CNTNAP2: variants seen among roughly 807,000 people sequenced by gnomAD.
CNTNAP2 encodes the protein contactin associated protein 2.
Under a neutral mutation model 155.2 loss-of-function variants are expected in CNTNAP2, and 98 were observed. The ratio of observed to expected loss-of-function variants is 0.63; its 90% CI spans 0.54 to 0.75. The LOEUF is 0.75. CNTNAP2 is among the 30% of genes least tolerant of loss of function. The pLI is 0.00. For synonymous variants in CNTNAP2, 651 were observed against 631.2 expected (o/e 1.03, Z -0.47); for missense variants, 1,727 against 1,688.1 (o/e 1.02, Z -0.40).
chr7:146,819,749 G>C (rs544723377), intron 2 of CNTNAP2, among the ~76,000 whole-genome samples: 15 of 151,850 alleles, frequency 9.9e-5, no homozygotes, highest in African/African-American at 3.6e-4. Flanking sequence ...GTTTTTTTCC[G>C]TTTCAGGAAT....
At chr7:147,798,574 C>T (rs1797938653) in intron 13 of CNTNAP2, among the ~76,000 whole-genome samples, 1 of 152,088 alleles carries the variant, frequency 6.6e-6, no homozygotes, top group Non-Finnish European at 1.5e-5. Context: ...GACATATAAA[C>T]ATTCAGAGGA....
chr7:147,526,422 G>A (rs946884886), intron 11 of CNTNAP2, among the ~76,000 whole-genome samples: 1 of 152,048 alleles, frequency 6.6e-6, no homozygotes, highest in African/African-American at 2.4e-5. Flanking sequence ...GCTATAATCA[G>A]CCTGTCTGGA....
At chr7:148,385,736 GTTTTTTTTTTTTTT>G (rs398006728) in intron 22 of CNTNAP2, among the ~76,000 whole-genome samples, 5 of 95,346 alleles carry the variant, frequency 5.2e-5, no homozygotes, top group South Asian at 4.3e-4. Context: ...AGTGTGACAG[GTTTTTTTTTTTTTT>G]TTTTTTTTTT....
chr7:146,960,536 C>T (rs2129230308), intron 3 of CNTNAP2, among the ~76,000 whole-genome samples: 1 of 152,258 alleles, frequency 6.6e-6, no homozygotes, highest in Non-Finnish European at 1.5e-5. Flanking sequence ...TACTCTTTCT[C>T]CTGCAGTTTC....
intron 1 of CNTNAP2, among the ~76,000 whole-genome samples, chr7:146,736,978 G>A (rs375540868): frequency 1.3e-5 from 2 of 152,128 alleles, no homozygotes; most frequent in South Asian, 2.1e-4. Flanking sequence ...CCAGTAGAGG[G>A]AGCTTTTAGC....
intron 10 of CNTNAP2, among the ~76,000 whole-genome samples, chr7:147,402,527 C>A (rs1318881573): frequency 1.3e-5 from 2 of 152,168 alleles, no homozygotes; most frequent in African/African-American, 2.4e-5. Context: ...TCTGGAGAAA[C>A]CCCTCAGTTC....
intron 1 of CNTNAP2, among the ~76,000 whole-genome samples, chr7:146,723,544 T>C (rs1801376228): frequency 6.6e-6 from 1 of 152,216 alleles, no homozygotes; most frequent in African/African-American, 2.4e-5. Context: ...TGATGATATA[T>C]ATAGCCAACG....
At chr7:148,345,331 G>C (rs1013205543) in intron 21 of CNTNAP2, among the ~76,000 whole-genome samples, 7 of 150,016 alleles carry the variant, frequency 4.7e-5, no homozygotes, top group Admixed American at 4.7e-4. Context: ...ACTGAGCGCT[G>C]TCACTAGATT....
In CNTNAP2 at chr7:147,012,868, C is replaced by G. The variant is rs557320529; in HGVS notation, c.403-31039C>G. ...GTAGATAAATAAATAAATACTGAGG[C>G]CTTTTGGGACCTGCTAGTATTGCAG... On this transcript the variant is annotated intron_variant, in intron 3 of 23. Transcript: ENST00000361727. Among the ~76,000 whole-genome samples the G allele has an allele frequency of 5.9e-5, 9 of 152,116 alleles. No individual in the cohort carries two copies. In the South Asian group the frequency reaches 6.2e-4, roughly 11 times the overall value.
At chr7:147,711,572 G>A (rs1448440011) in intron 13 of CNTNAP2, among the ~76,000 whole-genome samples, 1 of 152,148 alleles carries the variant, frequency 6.6e-6, no homozygotes, top group African/African-American at 2.4e-5. Context: ...GGAGCATGTG[G>A]CAATCCAGAC....
intron 1 of CNTNAP2, among the ~76,000 whole-genome samples, chr7:146,155,700 T>C (rs902376242): frequency 1.4e-5 from 2 of 144,538 alleles, no homozygotes; most frequent in Non-Finnish European, 3.0e-5. Context: ...TTATTATTAT[T>C]ATTATTATTA....
At chr7:147,489,361 G>C (rs1798565420) in intron 11 of CNTNAP2, among the ~76,000 whole-genome samples, 1 of 152,178 alleles carries the variant, frequency 6.6e-6, no homozygotes, top group Non-Finnish European at 1.5e-5. Context: ...TCACAGGAAA[G>C]GGAAAGCCAG....
At chr7:147,239,604 T>C (rs1055277000) in intron 8 of CNTNAP2, among the ~76,000 whole-genome samples, 3 of 152,004 alleles carry the variant, frequency 2.0e-5, no homozygotes, top group Non-Finnish European at 2.9e-5. Flanking sequence ...GCATAGAAAC[T>C]TTCTGAAAAT....
chr7:148,179,646 A>G (rs2116701510), intron 18 of CNTNAP2, among the ~76,000 whole-genome samples: 1 of 150,482 alleles, frequency 6.6e-6, no homozygotes. Context: ...AGAGAGAAAG[A>G]GTGAGAAAGA....
chr7:148,202,588 C>A (rs760982088), intron 18 of CNTNAP2, among the ~76,000 whole-genome samples: 1 of 152,060 alleles, frequency 6.6e-6, no homozygotes, highest in Non-Finnish European at 1.5e-5. Flanking sequence ...GAGGGGTGTG[C>A]TTGAAGCATC....
intron 21 of CNTNAP2, among the ~76,000 whole-genome samples, chr7:148,321,793 T>C (rs764435418): frequency 1.6e-4 from 25 of 152,244 alleles, no homozygotes; most frequent in Middle Eastern, 6.8e-3. Flanking sequence ...CACATTACTC[T>C]GGAGTAAAAG....
chr7:147,072,222 G>A (rs1387818675), intron 4 of CNTNAP2, among the ~76,000 whole-genome samples: 3 of 152,208 alleles, frequency 2.0e-5, no homozygotes, highest in Admixed American at 6.5e-5. Flanking sequence ...GACAAGGCTG[G>A]TGTGGCTGCA....
chr7:146,933,389 A>G (rs1228764125), intron 3 of CNTNAP2, among the ~76,000 whole-genome samples: 10 of 151,060 alleles, frequency 6.6e-5, no homozygotes, highest in Non-Finnish European at 1.5e-4. Context: ...AGCCATACGT[A>G]GAAAGCTGAA....
intron 12 of CNTNAP2, among the ~76,000 whole-genome samples, chr7:147,610,002 A>G (rs1175007412): frequency 6.6e-6 from 1 of 152,108 alleles, no homozygotes; most frequent in African/African-American, 2.4e-5. Context: ...ACTGGTGTGA[A>G]GGGTGAGGAC....
Sources: gnomAD v4.1 joint callset for allele counts (sites outside exome capture counted in the v4.1 genomes callset) on GRCh38, gnomAD v4.1.1 for gene constraint, MANE v1.5 for transcripts, NCBI Gene and HGNC (gene_info 2026-07-23, HGNC 2026-07-21) for gene names.